The following C13orf46 variants were observed in gnomAD, a reference collection of about 807,000 sequenced individuals.
C13orf46 encodes chromosome 13 open reading frame 46.
At chr13:113,929,895 A>G in the C13orf46 span, among the ~76,000 whole-genome samples, 2 of 152,228 alleles carry the variant, frequency 1.3e-5, no homozygotes, top group African/African-American at 4.8e-5. Flanking sequence ...TCCCAGGCCT[A>G]CGACACTGTC....
chr13:113,973,392 C>T (rs1198195946), intron 1 of C13orf46, among the ~76,000 whole-genome samples: 1 of 152,196 alleles, frequency 6.6e-6, no homozygotes, highest in Non-Finnish European at 1.5e-5. Context: ...TCATGAAAAA[C>T]CGCAGTCACG....
At chr13:113,965,872 GTGA>G (rs1418390038) in intron 5 of C13orf46, among the ~76,000 whole-genome samples, 33 of 147,036 alleles carry the variant, frequency 2.2e-4, no homozygotes, top group Non-Finnish European at 4.5e-4. Flanking sequence ...GATGGTGATG[GTGA>G]TGATGGTGGT....
chr13:113,947,842 C>T, the C13orf46 span, among the ~76,000 whole-genome samples: 2 of 152,214 alleles, frequency 1.3e-5, no homozygotes, highest in East Asian at 3.9e-4. Context: ...CCACACCCAC[C>T]ATGGCCCATC....
At chr13:113,970,358 C>T (rs2052690830) in intron 1 of C13orf46, 136 bp from the exon 2 acceptor site, 1 of 152,412 alleles carries the variant, frequency 6.6e-6, no homozygotes, top group Non-Finnish European at 1.5e-5. Context: ...GAGTTTCTCC[C>T]CGACCTGTGC....
intron 6 of C13orf46, among the ~76,000 whole-genome samples, chr13:113,963,222 G>A (rs1427986301): frequency 6.8e-6 from 1 of 147,830 alleles, no homozygotes; most frequent in Non-Finnish European, 1.5e-5. Flanking sequence ...CCTGTCCTCA[G>A]CCTCGGCCCC....
At chr13:113,951,644 C>T (rs1352120271), downstream of C13orf46, among the ~76,000 whole-genome samples, 2 of 152,206 alleles carry the variant, frequency 1.3e-5, no homozygotes, top group African/African-American at 4.8e-5. Context: ...CCTCCAGGCC[C>T]CAGCGCCTGC....
At chr13:113,931,292 A>G in the C13orf46 span, among the ~76,000 whole-genome samples, 61 of 152,210 alleles carry the variant, frequency 4.0e-4, no homozygotes, top group Admixed American at 1.2e-3. Flanking sequence ...CCCTTTAACC[A>G]CGTCTGAGAG....
the C13orf46 span, among the ~76,000 whole-genome samples, chr13:113,945,607 A>AAG: frequency 5.2e-5 from 3 of 57,658 alleles, no homozygotes; most frequent in African/African-American, 1.9e-4. Flanking sequence ...GAAAGAAAGA[A>AAG]GAAAGAAAGA....
At position 113,956,131 on chromosome 13, in the gene C13orf46, AGAG is replaced by A. The variant is rs1221953445; in HGVS notation, c.*639_*641del. The stretch of plus-strand genomic sequence containing the variant: ...GGAGAGGAGGAGTAGGATCTGGCGG[AGAG>A]GAGGAGTAGTATTTGGCGAAGAGGA... On this transcript the variant is annotated 3_prime_UTR_variant, in exon 7 of 7. Transcript: ENST00000636427. 9.1e-3 allele frequency: 1,346 copies of A among 148,462 alleles called. 25 individuals carry two copies. The highest frequency in any genetic ancestry group is 0.034 in the African/African-American group (1,274 of 37,794). The allele number at this position is 148,462 out of a possible 1,614,324, so 9.2% of individuals were successfully genotyped here.
At chr13:113,941,714 G>A in the C13orf46 span, among the ~76,000 whole-genome samples, 4 of 152,182 alleles carry the variant, frequency 2.6e-5, no homozygotes, top group Non-Finnish European at 4.4e-5. Flanking sequence ...AGCACAGCAC[G>A]CCAGGCACCC....
At chr13:113,946,780 C>G in the C13orf46 span, among the ~76,000 whole-genome samples, 2 of 152,382 alleles carry the variant, frequency 1.3e-5, no homozygotes, top group African/African-American at 4.8e-5. Flanking sequence ...GAAGCCTGGT[C>G]TGACTGCTCG....
rs114458765 is a variant in C13orf46, at chr13:113,972,959, T to C, written c.190+849A>G. Among the ~76,000 whole-genome samples, 323 of 152,218 alleles carry C rather than the reference T, an allele frequency of 2.1e-3. 2 individuals are homozygous for C. The highest frequency in any genetic ancestry group is 7.4e-3 in the African/African-American group (307 of 41,536). ...GCAAGGCCTTCCCAGCAGCCCTGGG[T>C]GGGTTACGGGTGTGGACCTGGAGTG... On this transcript the variant is annotated intron_variant, in intron 1 of 6. Transcript: ENST00000636427.
chr13:113,927,292 T>G, the C13orf46 span: 1 of 368,538 alleles, frequency 2.7e-6, no homozygotes, highest in Non-Finnish European at 4.8e-6. Flanking sequence ...GACCTTCATA[T>G]GTGGGACAGG....
chr13:113,939,533 G>A, the C13orf46 span, among the ~76,000 whole-genome samples: 2 of 152,176 alleles, frequency 1.3e-5, no homozygotes, highest in Non-Finnish European at 2.9e-5. Flanking sequence ...GGAAAGATGG[G>A]GACCACGTGG....
chr13:113,934,027 C>G, the C13orf46 span, among the ~76,000 whole-genome samples: 1 of 152,172 alleles, frequency 6.6e-6, no homozygotes, highest in African/African-American at 2.4e-5. Context: ...AGATGCATGA[C>G]CGTCCATCCC....
intron 5 of C13orf46, among the ~76,000 whole-genome samples, chr13:113,965,996 T>C (rs1247339241): frequency 6.6e-6 from 1 of 151,154 alleles, no homozygotes; most frequent in African/African-American, 2.4e-5. Context: ...ACAGTGATAG[T>C]GGTGATGATG....
chr13:113,957,690 CACA>C (rs2052550428), intron 6 of C13orf46, among the ~76,000 whole-genome samples: 1 of 129,532 alleles, frequency 7.7e-6, no homozygotes, highest in African/African-American at 3.1e-5. Flanking sequence ...CTCTGCACTC[CACA>C]TGTACCCCCT....
the C13orf46 span, among the ~76,000 whole-genome samples, chr13:113,933,970 C>T: frequency 4.7e-4 from 71 of 152,256 alleles, no homozygotes; most frequent in African/African-American, 1.5e-3. Flanking sequence ...GGAGATTCTG[C>T]GATGTGTGGC....
the C13orf46 span, among the ~76,000 whole-genome samples, chr13:113,933,717 G>C: frequency 2.6e-5 from 4 of 152,172 alleles, no homozygotes; most frequent in East Asian, 3.9e-4. Context: ...TTATTTCTAA[G>C]TCCTCAGTAA....
Sources: allele counts gnomAD v4.1 joint callset (sites outside exome capture counted in the v4.1 genomes callset), GRCh38; gene constraint gnomAD v4.1.1; transcripts MANE v1.5; gene names NCBI Gene and HGNC (gene_info 2026-07-23, HGNC 2026-07-21).